The following WIPF2 variants were observed in gnomAD, a reference collection of about 807,000 sequenced individuals.
WIPF2 encodes WAS/WASL-interacting protein family member 2.
Under a neutral mutation model 38.8 loss-of-function variants are expected in WIPF2, and 23 were observed. The observed-to-expected ratio is 0.59, with a 90% CI of 0.43 to 0.84. The LOEUF (loss-of-function observed/expected upper bound fraction) is 0.84, where lower values mean the gene tolerates loss of function less well. Ranked by LOEUF, WIPF2 falls within the 40% of genes least tolerant of loss-of-function variation. The pLI is 0.00. For missense variants in WIPF2, 574 were observed against 580.5 expected, an observed-to-expected ratio of 0.99 and a Z score of 0.11; for synonymous variants, 210 against 223.2, an observed-to-expected ratio of 0.94 and a Z score of 0.53.
In WIPF2 at chr17:40,254,899, T is replaced by A. The variant is rs139598621; in HGVS notation, c.-69-1492T>A. ...GCACATGTCATCACGCCCAGCTAAT[T>A]TTTGCATTTTCAGTAGACATGGGGT... On this transcript the variant is annotated intron_variant, in intron 1 of 7. Coordinates refer to ENST00000323571, the MANE Select transcript of WIPF2 (RefSeq NM_133264.5). Among the ~76,000 whole-genome samples the A allele has an allele frequency of 1.3e-4, 19 of 151,976 alleles. No homozygotes were observed. In the East Asian group the frequency reaches 2.7e-3, roughly 22 times the overall value.
chr17:40,274,718 G>A (rs899598889), intron 6 of WIPF2, among the ~76,000 whole-genome samples: 2 of 151,536 alleles, frequency 1.3e-5, no homozygotes, highest in South Asian at 4.1e-4. Context: ...AAGGTGGGAG[G>A]ATTGCTTTTA....
chr17:40,227,427 C>T (rs1424121495), intron 1 of WIPF2, among the ~76,000 whole-genome samples: 1 of 152,082 alleles, frequency 6.6e-6, no homozygotes, highest in East Asian at 1.9e-4. Context: ...TCAGAATCCA[C>T]TAAGGAGTAT....
intron 3 of WIPF2, among the ~76,000 whole-genome samples, chr17:40,261,695 T>G (rs547397453): frequency 6.7e-6 from 1 of 149,996 alleles, no homozygotes; most frequent in East Asian, 1.9e-4. Flanking sequence ...TTTTTTGTTT[T>G]TTTTTTTTGG....
At chr17:40,276,567 A>G (rs941540802) in intron 6 of WIPF2, among the ~76,000 whole-genome samples, 1 of 149,758 alleles carries the variant, frequency 6.7e-6, no homozygotes, top group South Asian at 2.1e-4. Flanking sequence ...TTCTGCTACC[A>G]TGCAAACAAC....
intron 1 of WIPF2, among the ~76,000 whole-genome samples, chr17:40,227,220 T>C (rs2030532634): frequency 6.6e-6 from 1 of 151,834 alleles, no homozygotes; most frequent in Non-Finnish European, 1.5e-5. Flanking sequence ...TTTGTATTTT[T>C]AGTAGAGACG....
intron 6 of WIPF2, 27 bp downstream of exon 6, chr17:40,274,026 A>G (rs1405901470): frequency 6.6e-7 from 1 of 1,504,986 alleles, no homozygotes; most frequent in Admixed American, 2.2e-5. Context: ...CTGTAGTCTC[A>G]TGGTTCCTGC....
intron 3 of WIPF2, among the ~76,000 whole-genome samples, chr17:40,261,676 TTTTTG>T (rs772211334): frequency 1.3e-5 from 2 of 148,728 alleles, no homozygotes; most frequent in African/African-American, 5.0e-5. Flanking sequence ...TTGTTTTTTT[TTTTTG>T]GTTTTTTTTG....
At chr17:40,235,918 C>G (rs927930074) in intron 1 of WIPF2, among the ~76,000 whole-genome samples, 1 of 150,334 alleles carries the variant, frequency 6.7e-6, no homozygotes, top group African/African-American at 2.4e-5. Flanking sequence ...TCTGAATTAC[C>G]TCCTTTCTTC....
At chr17:40,270,700 GAGT>G (rs967168326) in intron 5 of WIPF2, among the ~76,000 whole-genome samples, 14 of 152,120 alleles carry the variant, frequency 9.2e-5, no homozygotes, top group Admixed American at 7.9e-4. Flanking sequence ...GCTTTAGTTT[GAGT>G]AGATTTGGAA....
chr17:40,249,026 T>C (rs2031467794), intron 1 of WIPF2, among the ~76,000 whole-genome samples: 1 of 152,206 alleles, frequency 6.6e-6, no homozygotes, highest in Non-Finnish European at 1.5e-5. Context: ...CCTTTTGGGA[T>C]TTTGTTCAGT....
chr17:40,232,938 C>T (rs1253821542), intron 1 of WIPF2, among the ~76,000 whole-genome samples: 1 of 152,168 alleles, frequency 6.6e-6, no homozygotes, highest in Non-Finnish European at 1.5e-5. Flanking sequence ...ATACCTGGCT[C>T]ATTTCTCTAT....
At chr17:40,275,085 T>A (rs1319201566) in intron 6 of WIPF2, among the ~76,000 whole-genome samples, 1 of 150,530 alleles carries the variant, frequency 6.6e-6, no homozygotes, top group African/African-American at 2.4e-5. Flanking sequence ...ACTAAAAATA[T>A]AAAAAATTAA....
chr17:40,235,473 A>C (rs1433042702), intron 1 of WIPF2, among the ~76,000 whole-genome samples: 1 of 151,894 alleles, frequency 6.6e-6, no homozygotes, highest in Non-Finnish European at 1.5e-5. Context: ...ATTCATCCCT[A>C]AACTCTGACA....
intron 1 of WIPF2, among the ~76,000 whole-genome samples, chr17:40,226,647 G>C (rs1257912087): frequency 1.3e-5 from 2 of 152,154 alleles, no homozygotes; most frequent in African/African-American, 4.8e-5. Context: ...TATTATCTAA[G>C]ATCCAGATGT....
At chr17:40,270,541 C>CT (rs1036030317) in intron 5 of WIPF2, among the ~76,000 whole-genome samples, 1 of 152,148 alleles carries the variant, frequency 6.6e-6, no homozygotes, top group African/African-American at 2.4e-5. Flanking sequence ...TGCCTGGTGT[C>CT]TAGCTGGTGT....
chr17:40,264,722 A>G lies in WIPF2; in HGVS notation c.546A>G (p.Pro182=), dbSNP rs147658647. 128 of 1,100,518 alleles carry G rather than the reference A, an allele frequency of 1.2e-4. 1 individual carries two copies. In the African/African-American group the frequency reaches 3.8e-3, roughly 33 times the overall value. 68.2% of individuals were successfully genotyped at this position (1,100,518 alleles called of 1,614,324 possible). ...CCTCTGCCCCTCCCCCACCACCCCC[A>G]GGGCGGCGTGCCAACGCACCCCCCA... The part of the protein sequence containing the change: ...HSSSAPPPPP[P]GRRANAPPTP... Residue 182 remains proline (P), a synonymous_variant, in exon 5 of 8, where the codon CCA becomes CCG. Coordinates refer to ENST00000323571, the MANE Select transcript of WIPF2 (RefSeq NM_133264.5).
intron 1 of WIPF2, among the ~76,000 whole-genome samples, chr17:40,225,019 G>A (rs1280216924): frequency 6.6e-6 from 1 of 152,070 alleles, no homozygotes; most frequent in African/African-American, 2.4e-5. Context: ...CCCCGGATTA[G>A]AGTGGATGGG....
At chr17:40,240,994 GA>G (rs1383567542) in intron 1 of WIPF2, among the ~76,000 whole-genome samples, 1 of 150,988 alleles carries the variant, frequency 6.6e-6, no homozygotes, top group African/African-American at 2.4e-5. Flanking sequence ...GGTGTTTTAT[GA>G]TGGAACATTG....
intron 1 of WIPF2, among the ~76,000 whole-genome samples, chr17:40,238,173 T>C (rs2031052395): frequency 6.6e-6 from 1 of 152,140 alleles, no homozygotes; most frequent in African/African-American, 2.4e-5. Context: ...GCTCTTTTTA[T>C]TATCTGAATT....
Sources: gnomAD v4.1 joint callset for allele counts (sites outside exome capture counted in the v4.1 genomes callset) on GRCh38, gnomAD v4.1.1 for gene constraint, MANE v1.5 for transcripts, NCBI Gene and HGNC (gene_info 2026-07-23, HGNC 2026-07-21) for gene names.